Variants in NFASC observed in about 807,000 individuals in gnomAD.
NFASC encodes the protein neurofascin homolog.
Under a neutral mutation model 147.5 loss-of-function variants are expected in NFASC, and 43 were observed. That is an observed-to-expected ratio of 0.29 (90% CI 0.23 to 0.38). The LOEUF is 0.38. Ranked by LOEUF, NFASC falls within the 10% of genes least tolerant of loss-of-function variation. The pLI is 1.00. For missense variants in NFASC, 1,320 were observed against 1,689.0 expected (o/e 0.78, Z 3.83); for synonymous variants, 622 against 665.5 (o/e 0.93, Z 1.01).
At chr1:204,842,917 A>G (rs991179558) in intron 1 of NFASC, among the ~76,000 whole-genome samples, 2 of 152,102 alleles carry the variant, frequency 1.3e-5, no homozygotes, top group African/African-American at 4.8e-5. Flanking sequence ...ATTGGTGTGG[A>G]GGGAAGCTGA....
chr1:204,946,922 A>G (rs985734019), intron 3 of NFASC: 1 of 404,842 alleles, frequency 2.5e-6, no homozygotes, highest in Admixed American at 2.7e-5. Flanking sequence ...AAACAAGCAG[A>G]TGGTGATCCC....
chr1:205,001,374 G>C (rs2095981464), intron 26 of NFASC, 88 bp downstream of exon 26: 1 of 786,330 alleles, frequency 1.3e-6, no homozygotes, highest in Non-Finnish European at 2.2e-6. Context: ...GAGCTCCTGT[G>C]AACTCCCCCA....
At chr1:204,866,200 G>A (rs2077093725) in intron 1 of NFASC, among the ~76,000 whole-genome samples, 1 of 152,166 alleles carries the variant, frequency 6.6e-6, no homozygotes, top group African/African-American at 2.4e-5. Context: ...GCTCTGGCTG[G>A]TGGAAGAGGC....
intron 10 of NFASC, 31 bp downstream of exon 10, chr1:204,969,013 T>A (rs781485672): frequency 1.3e-6 from 2 of 1,591,596 alleles, no homozygotes; most frequent in South Asian, 2.3e-5. Context: ...ATTATGATTA[T>A]GTTGCCAACC....
chr1:204,943,710 C>G (rs1274700141), intron 2 of NFASC, among the ~76,000 whole-genome samples: 1 of 152,218 alleles, frequency 6.6e-6, no homozygotes, highest in African/African-American at 2.4e-5. Context: ...CTCTGTGCCT[C>G]TACCGCAAAT....
At chr1:204,882,977 C>T (rs1038750568) in intron 1 of NFASC, among the ~76,000 whole-genome samples, 4 of 151,848 alleles carry the variant, frequency 2.6e-5, no homozygotes, top group East Asian at 3.9e-4. Flanking sequence ...ACATATGAGT[C>T]AAGTTTGGGA....
intron 27 of NFASC, among the ~76,000 whole-genome samples, chr1:205,003,426 G>T (rs1248044299): frequency 8.5e-5 from 13 of 152,214 alleles, no homozygotes; most frequent in Admixed American, 8.5e-4. Context: ...CAAATGAACA[G>T]GCCAACTGGG....
intron 1 of NFASC, among the ~76,000 whole-genome samples, chr1:204,892,800 C>T (rs561581274): frequency 5.9e-5 from 9 of 152,248 alleles, no homozygotes; most frequent in East Asian, 5.8e-4. Flanking sequence ...TTACAGAATT[C>T]GGAAAAATCC....
chr1:204,882,921 A>G (rs918776223), intron 1 of NFASC, among the ~76,000 whole-genome samples: 3 of 152,118 alleles, frequency 2.0e-5, no homozygotes, highest in African/African-American at 7.2e-5. Flanking sequence ...GTTCTCAGGT[A>G]TGCTCATGGG....
chr1:204,836,073 AGGG>A (rs1270104224), intron 1 of NFASC, among the ~76,000 whole-genome samples: 1 of 152,188 alleles, frequency 6.6e-6, no homozygotes, highest in Non-Finnish European at 1.5e-5. Context: ...CTCCAATTTC[AGGG>A]TCAGAGAATT....
At chr1:205,006,850 G>A (rs971232689) in intron 27 of NFASC, among the ~76,000 whole-genome samples, 14 of 152,318 alleles carry the variant, frequency 9.2e-5, no homozygotes, top group African/African-American at 2.6e-4. Flanking sequence ...AATTTCAAGC[G>A]CATGCATCCA....
chr1:205,003,356 C>G (rs989414079), intron 27 of NFASC, among the ~76,000 whole-genome samples: 5 of 152,172 alleles, frequency 3.3e-5, no homozygotes, highest in Non-Finnish European at 7.3e-5. Context: ...TCTCCAGAAC[C>G]GGAAAGGTTC....
intron 25 of NFASC, chr1:205,000,046 A>G (rs1362421060): frequency 6.6e-6 from 1 of 152,212 alleles, no homozygotes; most frequent in East Asian, 1.9e-4. Context: ...TACACAGGCT[A>G]TGGTTTCAGA....
intron 1 of NFASC, among the ~76,000 whole-genome samples, chr1:204,901,296 C>G (rs903579746): frequency 6.6e-6 from 1 of 152,058 alleles, no homozygotes; most frequent in Non-Finnish European, 1.5e-5. Context: ...CAGATAAGAT[C>G]ACCAAAGCAG....
intron 3 of NFASC, among the ~76,000 whole-genome samples, chr1:204,945,762 C>A (rs1046403568): frequency 6.6e-6 from 1 of 152,194 alleles, no homozygotes; most frequent in Admixed American, 6.5e-5. Flanking sequence ...GCGAGGCTGG[C>A]TCGAGGAGAG....
At chr1:204,930,745 A>C (rs921815477) in intron 2 of NFASC, among the ~76,000 whole-genome samples, 1 of 152,224 alleles carries the variant, frequency 6.6e-6, no homozygotes, top group Non-Finnish European at 1.5e-5. Context: ...CCTTGGCAAA[A>C]AGGGAATTTG....
chr1:205,009,284 T>C (rs762079078), intron 27 of NFASC: 78 of 559,718 alleles, frequency 1.4e-4, no homozygotes, highest in Non-Finnish European at 2.3e-4. Flanking sequence ...CCTATGACAC[T>C]TTCCCCTTCC....
intron 1 of NFASC, among the ~76,000 whole-genome samples, chr1:204,853,020 A>G (rs2075833424): frequency 6.6e-6 from 1 of 152,138 alleles, no homozygotes; most frequent in Admixed American, 6.5e-5. Flanking sequence ...CAGTGTTCCC[A>G]TGCCACCTCC....
chr1:204,997,971 ACTTTT>A (rs1170759295), intron 25 of NFASC: 5 of 154,548 alleles, frequency 3.2e-5, no homozygotes, highest in African/African-American at 1.2e-4. Context: ...ACACTTACAG[ACTTTT>A]CTTTTACAAA....
Sources: allele counts gnomAD v4.1 joint callset (sites outside exome capture counted in the v4.1 genomes callset), GRCh38; gene constraint gnomAD v4.1.1; transcripts MANE v1.5; gene names NCBI Gene and HGNC (gene_info 2026-07-23, HGNC 2026-07-21).